The following ADGRB1 variants were observed in gnomAD, a reference collection of about 807,000 sequenced individuals.
The protein encoded by ADGRB1 is brain-specific angiogenesis inhibitor 1.
Under a neutral mutation model 175.7 loss-of-function variants are expected in ADGRB1, and 36 were observed. That is an observed-to-expected ratio of 0.20 (90% confidence interval 0.16 to 0.27). The LOEUF is 0.27. ADGRB1 is among the 10% of genes least tolerant of loss of function. ADGRB1 has a pLI of 1.00. For missense variants in ADGRB1, 1,731 were observed against 2,255.3 expected (o/e 0.77, Z 4.71); for synonymous variants, 1,054 against 979.4 (o/e 1.08, Z -1.42).
In ADGRB1 at chr8:142,489,017, CAG is replaced by C; in HGVS notation, c.2453-17_2453-16del. 6.2e-7 allele frequency: 1 copy of C among 1,610,232 alleles called. No individual in the cohort carries two copies. The highest frequency in any genetic ancestry group is 1.7e-5 in the Admixed American group (1 of 59,770). On this transcript the variant is annotated splice_polypyrimidine_tract_variant and intron_variant, in intron 14 of 30. Transcript: ENST00000517894. ...TGTGGGGATGGCGGGCCGGGGTTGA[CAG>C]TGCACTTTCTTCCAGAGGCCGATGA...
intron 1 of ADGRB1, among the ~76,000 whole-genome samples, chr8:142,461,809 G>T (rs1839984486): frequency 6.6e-6 from 1 of 152,194 alleles, no homozygotes; most frequent in Non-Finnish European, 1.5e-5. Context: ...ACTTGGAGGG[G>T]CATATGGGGC....
Position 142,520,847 on chromosome 8 carries a change from C to G in ADGRB1, c.2946C>G (p.Val982=). Residue 982 remains valine (V), a synonymous_variant, in exon 20 of 31, where the codon GTC becomes GTG. Transcript: ENST00000517894. Reference sequence around the variant, plus strand: ...GGTACATTCGCTCAGAGCGTTCTGTCATCCTCATCAACTTCTGCCTGTCCA... The same window carrying G: ...GGTACATTCGCTCAGAGCGTTCTGTGATCCTCATCAACTTCTGCCTGTCCA... ...VWRYIRSERS[V]ILINFCLSII... is the part of the protein sequence containing the mutation. The G allele has an allele frequency of 6.2e-7, 1 of 1,613,660 alleles. No homozygotes were observed. Among genetic ancestry groups the G allele is most frequent in the African/African-American group, 1.3e-5 (1 of 74,988 alleles).
At position 142,464,327 on chromosome 8, in the gene ADGRB1, C is replaced by T. The variant is rs1324200602; in HGVS notation, c.129C>T (p.Cys43=). 1.6e-5 allele frequency: 24 copies of T among 1,495,854 alleles called. No homozygotes were observed. The highest frequency in any genetic ancestry group is 2.0e-5 in the Non-Finnish European group (23 of 1,129,042). The allele number at this position is 1,495,854 out of a possible 1,614,324, so 92.7% of individuals were successfully genotyped here. ...ACGCGGGGCCCGGGCCCGAGCCGTG[C>T]GCCACGCTGGTGCAGGGAAAGTTCT... ...GADAGPGPEP[C]ATLVQGKFFG... is the part of the protein sequence containing the mutation. The change falls in exon 2 of 31, where the codon TGC becomes TGT. Residue 43 remains cysteine, a synonymous_variant. Transcript: ENST00000517894.
chr8:142,533,295 G>C lies in ADGRB1; in HGVS notation c.3399G>C (p.Gly1133=). ...CAGCGCTGACACCCTCCATCCCCAG[G>C]GCCTCCCTGTGGAGCTCCTGCGTGG... The part of the protein sequence containing the change: ...ITDKKLKERA[G]ASLWSSCVVL... The change falls in exon 25 of 31, where the codon GGG becomes GGC. Residue 1133 remains glycine (G), a splice_region_variant and synonymous_variant. Coordinates refer to ENST00000517894, the MANE Select transcript of ADGRB1 (RefSeq NM_001702.3). 1 of 1,524,300 alleles carries C rather than the reference G, an allele frequency of 6.6e-7. No homozygotes were observed. The highest frequency in any genetic ancestry group is 8.8e-7 in the Non-Finnish European group (1 of 1,135,122). 94.4% of individuals were successfully genotyped at this position (1,524,300 alleles called of 1,614,324 possible).
intron 2 of ADGRB1, among the ~76,000 whole-genome samples, chr8:142,471,802 A>G (rs1840680243): frequency 6.6e-6 from 1 of 152,218 alleles, no homozygotes; most frequent in African/African-American, 2.4e-5. Context: ...GGGCACCTCC[A>G]GTAGGAGCGG....
chr8:142,487,290 C>A (rs1040126697), intron 13 of ADGRB1, among the ~76,000 whole-genome samples: 3 of 152,174 alleles, frequency 2.0e-5, no homozygotes, highest in East Asian at 3.9e-4. Context: ...GCCCCCATTC[C>A]CCGCTGCAGC....
At chr8:142,495,560 T>A (rs1842174956) in intron 17 of ADGRB1, among the ~76,000 whole-genome samples, 1 of 152,158 alleles carries the variant, frequency 6.6e-6, no homozygotes, top group African/African-American at 2.4e-5. Context: ...CCAAAGGCTC[T>A]AGGAAAGATT....
intron 1 of ADGRB1, among the ~76,000 whole-genome samples, chr8:142,461,053 TA>T (rs1278963428): frequency 6.6e-6 from 1 of 152,170 alleles, no homozygotes; most frequent in Non-Finnish European, 1.5e-5. Context: ...ACCAGGGCCC[TA>T]GGGGATGCCA....
chr8:142,450,860 A>C (rs1839306482), intron 1 of ADGRB1, among the ~76,000 whole-genome samples: 1 of 152,024 alleles, frequency 6.6e-6, no homozygotes, highest in Non-Finnish European at 1.5e-5. Context: ...ACTGGGTCGG[A>C]CAGGCCGCGC....
chr8:142,533,574 G>A (rs1844752319), intron 25 of ADGRB1, 108 bp downstream of exon 25: 4 of 1,326,010 alleles, frequency 3.0e-6, no homozygotes, highest in Admixed American at 2.3e-5. Context: ...GGTAGGCGCA[G>A]CATCCATGAC....
Position 142,538,849 on chromosome 8 carries a change from G to C in ADGRB1, c.3667-525G>C, listed in dbSNP as rs370062652. Among the ~76,000 whole-genome samples the C allele has an allele frequency of 4.6e-5, 7 of 152,192 alleles. 1 individual carries two copies. The East Asian group carries it at 1.4e-3, about 29-fold the overall frequency. ...CCTTGGAGGGATGTGGGGGACCAAG[G>C]GGGAGAGTTCTGGTGCCGCAGGCCC... On this transcript the variant is annotated intron_variant, in intron 26 of 30. Coordinates refer to ENST00000517894, the MANE Select transcript of ADGRB1 (RefSeq NM_001702.3).
chr8:142,476,784 GAATAAC>G (rs1841002425), intron 4 of ADGRB1, 89 bp downstream of exon 4: 1 of 1,283,608 alleles, frequency 7.8e-7, no homozygotes, highest in Non-Finnish European at 1.1e-6. Flanking sequence ...GTAGTAACTT[GAATAAC>G]ATGCCATAAC....
chr8:142,495,455 A>G (rs1022961352), intron 17 of ADGRB1, among the ~76,000 whole-genome samples: 4 of 152,178 alleles, frequency 2.6e-5, no homozygotes, highest in Non-Finnish European at 4.4e-5. Flanking sequence ...CAAAATTACC[A>G]CAAACCAGGT....
chr8:142,479,146 T>G, intron 7 of ADGRB1, 177 bp from the exon 8 acceptor site: 1 of 633,666 alleles, frequency 1.6e-6, no homozygotes, highest in East Asian at 3.4e-5. Context: ...ATGACTGATT[T>G]CTCCTCTCCT....
Position 142,543,331 on chromosome 8 carries a change from G to C in ADGRB1, c.4414-72G>C. On this transcript the variant is annotated intron_variant, in intron 28 of 30. Transcript: ENST00000517894. This position sits in a 1 kb window ranked among gnomAD's most constrained non-coding sequence, Gnocchi z 4.4. ...GGCGAGTGAGTCCCTGATGCCCTCAGTCTGAGGCAGGGAGAGGCGTGGACT... is the reference window on the plus strand; with the variant it reads ...GGCGAGTGAGTCCCTGATGCCCTCACTCTGAGGCAGGGAGAGGCGTGGACT... The C allele has an allele frequency of 6.3e-7, 1 of 1,591,496 alleles. No homozygotes were observed. Among genetic ancestry groups the C allele is most frequent in the Non-Finnish European group, 8.6e-7 (1 of 1,165,314 alleles).
At chr8:142,454,934 G>A (rs983652886) in intron 1 of ADGRB1, among the ~76,000 whole-genome samples, 1 of 151,966 alleles carries the variant, frequency 6.6e-6, no homozygotes, top group African/African-American at 2.4e-5. Context: ...GGGCTACCCT[G>A]CCTGGAGGGA....
intron 16 of ADGRB1, among the ~76,000 whole-genome samples, chr8:142,489,901 C>T (rs1841905341): frequency 6.6e-6 from 1 of 152,226 alleles, no homozygotes; most frequent in African/African-American, 2.4e-5. Flanking sequence ...CGGGAAGCCC[C>T]AGCCTCCAGG....
Position 142,454,428 on chromosome 8 carries a change from C to T in ADGRB1, c.-220+4324C>T, listed in dbSNP as rs112267599. 2.3e-3 allele frequency among the ~76,000 whole-genome samples: 348 copies of T among 152,322 alleles called. 3 individuals are homozygous for T. The highest frequency in any genetic ancestry group is 0.01 in the Middle Eastern group (3 of 294). ...GAGGACATGGGTCAGCACGAGCACA[C>T]CGTGAGGTGCACACGGGTGCACACG... On this transcript the variant is annotated intron_variant, in intron 1 of 30. Coordinates refer to ENST00000517894, the MANE Select transcript of ADGRB1 (RefSeq NM_001702.3).
chr8:142,488,145 T>A (rs2131867886), intron 13 of ADGRB1, among the ~76,000 whole-genome samples: 1 of 152,314 alleles, frequency 6.6e-6, no homozygotes, highest in African/African-American at 2.4e-5. Flanking sequence ...GCCCAGCCTC[T>A]GCCTGGTGCT....
Sources: allele counts gnomAD v4.1 joint callset (sites outside exome capture counted in the v4.1 genomes callset), GRCh38; gene constraint gnomAD v4.1.1; non-coding constraint Gnocchi (gnomAD v3.1); transcripts MANE v1.5; gene names NCBI Gene and HGNC (gene_info 2026-07-23, HGNC 2026-07-21).